Variants in DCDC2C observed in about 807,000 individuals in gnomAD.
DCDC2C encodes the protein doublecortin domain-containing protein 2C.
In DCDC2C, 44 loss-of-function variants were observed where a neutral mutation model predicts 45.0. The observed-to-expected ratio is 0.98, with a 90% CI of 0.77 to 1.26. The LOEUF (loss-of-function observed/expected upper bound fraction) is 1.26. Among genes scored for constraint, DCDC2C ranks in the 50% most tolerant of loss-of-function variants. DCDC2C has a pLI of 0.00. For missense variants in DCDC2C, 447 were observed against 468.9 expected (o/e 0.95, Z 0.43); for synonymous variants, 187 against 178.8 (o/e 1.05, Z -0.37).
chr2:3,814,471 C>T (rs1288491643), intron 10 of DCDC2C, among the ~76,000 whole-genome samples: 1 of 152,174 alleles, frequency 6.6e-6, no homozygotes, highest in Non-Finnish European at 1.5e-5. Flanking sequence ...AGAACATGCT[C>T]AGTGTAGTTT....
At position 3,748,321 on chromosome 2, in the gene DCDC2C, G is replaced by C. The variant is rs1669434440; in HGVS notation, c.546-4442G>C. On this transcript the variant is annotated intron_variant, in intron 4 of 10. Transcript: ENST00000399143. The stretch of plus-strand genomic sequence containing the variant: ...TGCATTACTGTATGCAGTGGGACTT[G>C]CTGATCAACCTCATGTAGGAATGAG... Among the ~76,000 whole-genome samples the C allele has an allele frequency of 2.1e-5, 3 of 144,804 alleles. No individual in the cohort carries two copies. The South Asian group carries it at 7.0e-4, about 34-fold the overall frequency. The allele number at this position is 144,804 out of a possible 152,430, so 95.0% of individuals were successfully genotyped here.
rs938035236 is a variant in DCDC2C, at chr2:3,841,034, C to T, written c.1066-6120C>T. 5.3e-5 allele frequency among the ~76,000 whole-genome samples: 8 copies of T among 152,326 alleles called. No individual in the cohort carries two copies. The East Asian group carries it at 7.7e-4, about 15-fold the overall frequency. ...CAAATGAAGATTTTGGCGTACCGTA[C>T]GGTGGCACAATCTCTCAGTCAACAA... On this transcript the variant is annotated intron_variant, in intron 10 of 10. Coordinates refer to ENST00000399143, the MANE Select transcript of DCDC2C (RefSeq NM_001287444.2).
intron 5 of DCDC2C, among the ~76,000 whole-genome samples, chr2:3,753,739 A>ACTGAGGG (rs1669609545): frequency 6.6e-6 from 1 of 152,098 alleles, no homozygotes. Flanking sequence ...TTGAACCTCC[A>ACTGAGGG]CTGAGGGCGC....
intron 4 of DCDC2C, among the ~76,000 whole-genome samples, chr2:3,746,996 G>A (rs187539893): frequency 6.6e-6 from 1 of 152,276 alleles, no homozygotes; most frequent in Non-Finnish European, 1.5e-5. Context: ...GGGAAGCAGG[G>A]CCTGGCTGTA....
intron 9 of DCDC2C, among the ~76,000 whole-genome samples, chr2:3,781,569 A>T (rs1670508897): frequency 6.6e-6 from 1 of 152,226 alleles, no homozygotes; most frequent in African/African-American, 2.4e-5. Context: ...TTATTTATAA[A>T]TATGTATTGT....
chr2:3,738,539 GGAA>G (rs1326506542), intron 3 of DCDC2C, among the ~76,000 whole-genome samples: 844 of 55,164 alleles, frequency 0.015, 45 homozygotes, highest in African/African-American at 0.056. Flanking sequence ...GGTCTATCTG[GGAA>G]AAAAAAAAAA....
chr2:3,733,670 C>T (rs190842277), intron 3 of DCDC2C, among the ~76,000 whole-genome samples: 19 of 152,256 alleles, frequency 1.2e-4, no homozygotes, highest in Admixed American at 2.6e-4. Context: ...ACATGATGGA[C>T]GGGGCAGACA....
At chr2:3,807,902 C>T (rs1449424262) in intron 10 of DCDC2C, among the ~76,000 whole-genome samples, 1 of 152,190 alleles carries the variant, frequency 6.6e-6, no homozygotes, top group East Asian at 1.9e-4. Context: ...TCATTCCTGT[C>T]AATTGCCTAG....
At chr2:3,775,063 C>T (rs778358134) in intron 8 of DCDC2C, among the ~76,000 whole-genome samples, 2 of 149,558 alleles carry the variant, frequency 1.3e-5, no homozygotes, top group Non-Finnish European at 3.0e-5. Flanking sequence ...GTGCGCCTGG[C>T]TGGATGTTTT....
At chr2:3,736,347 A>T (rs539987411) in intron 3 of DCDC2C, among the ~76,000 whole-genome samples, 336 of 152,258 alleles carry the variant, frequency 2.2e-3, no homozygotes, top group Non-Finnish European at 3.6e-3. Flanking sequence ...CAGGATCAAA[A>T]CCCACCCCTG....
intron 10 of DCDC2C, among the ~76,000 whole-genome samples, chr2:3,816,026 C>CTAAT (rs1671550631): frequency 6.6e-6 from 1 of 151,942 alleles, no homozygotes; most frequent in Non-Finnish European, 1.5e-5. Flanking sequence ...GGAGAGATAA[C>CTAAT]GGGTGATGCT....
At chr2:3,806,874 A>G (rs74259161) in intron 10 of DCDC2C, among the ~76,000 whole-genome samples, 15,121 of 152,022 alleles carry the variant, frequency 0.099, 1,025 homozygotes, top group East Asian at 0.29. Flanking sequence ...GTTGCTCGTG[A>G]CTGCTTTCTG....
At chr2:3,833,204 T>C (rs1347633709) in intron 10 of DCDC2C, among the ~76,000 whole-genome samples, 2 of 152,212 alleles carry the variant, frequency 1.3e-5, no homozygotes, top group African/African-American at 4.8e-5. Flanking sequence ...TCCTTGTGAT[T>C]ATGTTGGGCA....
At chr2:3,725,409 GTGA>G (rs1558564350) in intron 2 of DCDC2C, among the ~76,000 whole-genome samples, 1 of 96,174 alleles carries the variant, frequency 1.0e-5, no homozygotes, top group African/African-American at 3.5e-5. Context: ...GGGGCAGAGA[GTGA>G]GGAGGCTGCC....
At chr2:3,806,465 G>A (rs780618984) in intron 10 of DCDC2C, among the ~76,000 whole-genome samples, 4 of 152,172 alleles carry the variant, frequency 2.6e-5, no homozygotes, top group Non-Finnish European at 5.9e-5. Flanking sequence ...CAATGTGTGA[G>A]TAGAGACCCA....
At chr2:3,831,519 A>C (rs144530649) in intron 10 of DCDC2C, among the ~76,000 whole-genome samples, 2 of 152,370 alleles carry the variant, frequency 1.3e-5, no homozygotes, top group East Asian at 3.9e-4. Flanking sequence ...ATACAATCAA[A>C]TATGGTATTA....
At chr2:3,737,716 G>A (rs1222530635) in intron 3 of DCDC2C, among the ~76,000 whole-genome samples, 1 of 152,158 alleles carries the variant, frequency 6.6e-6, no homozygotes, top group Non-Finnish European at 1.5e-5. Context: ...TTGCTGGAAA[G>A]GTTAGAGACG....
chr2:3,815,662 A>G (rs1256905388), intron 10 of DCDC2C, among the ~76,000 whole-genome samples: 1 of 152,188 alleles, frequency 6.6e-6, no homozygotes. Flanking sequence ...GAAGGGAGAT[A>G]GGGATGGGGC....
At chr2:3,798,067 A>G (rs1307326614) in intron 10 of DCDC2C, among the ~76,000 whole-genome samples, 1 of 152,028 alleles carries the variant, frequency 6.6e-6, no homozygotes, top group African/African-American at 2.4e-5. Flanking sequence ...TATTAGGTGC[A>G]TATATATTTA....
Sources: gnomAD v4.1 joint callset for allele counts (sites outside exome capture counted in the v4.1 genomes callset) on GRCh38, gnomAD v4.1.1 for gene constraint, MANE v1.5 for transcripts, NCBI Gene and HGNC (gene_info 2026-07-23, HGNC 2026-07-21) for gene names.